DNAH11: variants seen among roughly 807,000 people sequenced by gnomAD.
The protein encoded by DNAH11 is axonemal beta dynein heavy chain 11.
In DNAH11, 442 loss-of-function variants were observed where a neutral mutation model predicts 526.0. The observed-to-expected ratio is 0.84, with a 90% confidence interval of 0.78 to 0.91. The LOEUF (loss-of-function observed/expected upper bound fraction) is 0.91, where lower values mean the gene tolerates loss of function less well. Ranked by LOEUF, DNAH11 falls within the 40% of genes least tolerant of loss-of-function variation. The pLI is 0.00. For missense variants in DNAH11, 6,989 were observed against 5,448.7 expected (o/e 1.28, Z -8.90); for synonymous variants, 2,461 against 1,935.9 (o/e 1.27, Z -7.12).
At chr7:21,871,253 A>G (rs1783484865) in intron 73 of DNAH11, among the ~76,000 whole-genome samples, 1 of 152,220 alleles carries the variant, frequency 6.6e-6, no homozygotes, top group Non-Finnish European at 1.5e-5. Context: ...AACATAACAG[A>G]TATTAAAAAC....
chr7:21,788,839 A>G (rs1324555420), intron 60 of DNAH11, among the ~76,000 whole-genome samples: 1 of 152,246 alleles, frequency 6.6e-6, no homozygotes, highest in Non-Finnish European at 1.5e-5. Context: ...TTTATGACAA[A>G]TTGATTTTAA....
At position 21,709,756 on chromosome 7, in the gene DNAH11, T is replaced by C. The variant is rs114498798; in HGVS notation, c.6684-797T>C. Among the ~76,000 whole-genome samples the C allele has an allele frequency of 4.1e-3, 623 of 152,252 alleles. 7 individuals are homozygous for C. Among genetic ancestry groups the C allele is most frequent in the African/African-American group, 0.014 (593 of 41,536 alleles). On this transcript the variant is annotated intron_variant, in intron 40 of 81. Coordinates refer to ENST00000409508, the MANE Select transcript of DNAH11 (RefSeq NM_001277115.2). ...ATCGTATCTGTTTAGGCTGAAAAAC[T>C]GTGGAAACTGTTCAAATCAGTGACT...
intron 2 of DNAH11, among the ~76,000 whole-genome samples, chr7:21,558,169 A>G (rs930554882): frequency 7.2e-5 from 11 of 152,246 alleles, no homozygotes; most frequent in African/African-American, 1.7e-4. Context: ...GTTTAAAATG[A>G]GTAGATACTT....
At position 21,639,041 on chromosome 7, in the gene DNAH11, C is replaced by T. The variant is rs746563330; in HGVS notation, c.4920C>T (p.Leu1640=). 3.2e-5 allele frequency: 51 copies of T among 1,613,360 alleles called. No individual in the cohort carries two copies. Among genetic ancestry groups the T allele is most frequent in the Admixed American group, 5.0e-5 (3 of 59,958 alleles). ...CTTCTGCTGATTTACTTGACATTCTCTCAAAAGGAGCTCAGCCTAAACAGG... is the reference window on the plus strand; with the variant it reads ...CTTCTGCTGATTTACTTGACATTCTTTCAAAAGGAGCTCAGCCTAAACAGG... ...FVSSADLLDI[L]SKGAQPKQVT... is the part of the protein sequence containing the mutation. The change falls in exon 28 of 82, where the codon CTC becomes CTT. Residue 1640 remains leucine, a synonymous_variant. Coordinates refer to ENST00000409508, the MANE Select transcript of DNAH11 (RefSeq NM_001277115.2).
intron 14 of DNAH11, among the ~76,000 whole-genome samples, chr7:21,597,895 T>A (rs553959814): frequency 6.6e-6 from 1 of 152,208 alleles, no homozygotes; most frequent in Non-Finnish European, 1.5e-5. Context: ...GTGTATACTT[T>A]CCTAGGGTGT....
intron 63 of DNAH11, among the ~76,000 whole-genome samples, chr7:21,811,602 G>GT (rs1253360929): frequency 6.6e-6 from 1 of 152,138 alleles, no homozygotes; most frequent in East Asian, 1.9e-4. Flanking sequence ...TAATAGGTAT[G>GT]TTTCAGTTTG....
chr7:21,569,193 T>C (rs970009592), intron 6 of DNAH11, among the ~76,000 whole-genome samples: 6 of 152,202 alleles, frequency 3.9e-5, no homozygotes, highest in Non-Finnish European at 8.8e-5. Flanking sequence ...CCCTCTGCTA[T>C]TTTGAACTCA....
intron 40 of DNAH11, among the ~76,000 whole-genome samples, chr7:21,709,422 G>A (rs1459033354): frequency 6.6e-6 from 1 of 152,126 alleles, no homozygotes; most frequent in Non-Finnish European, 1.5e-5. Context: ...AGGCCTATTA[G>A]AGGTGGGAGG....
At chr7:21,717,673 AGTGTTGCACCAAGCT>A in intron 42 of DNAH11, 87 bp from the exon 43 acceptor site, 4 of 1,365,318 alleles carry the variant, frequency 2.9e-6, no homozygotes, top group Non-Finnish European at 4.0e-6. Flanking sequence ...GTGTCCTTGA[AGTGTTGCACCAAGCT>A]GTGTCAAAGG....
At chr7:21,763,166 AC>A (rs1786997519) in intron 54 of DNAH11, among the ~76,000 whole-genome samples, 1 of 151,794 alleles carries the variant, frequency 6.6e-6, no homozygotes. Flanking sequence ...ACATAGTAAA[AC>A]CCTGTCTCTA....
At chr7:21,593,166 A>C (rs1784749432) in intron 14 of DNAH11, among the ~76,000 whole-genome samples, 1 of 152,114 alleles carries the variant, frequency 6.6e-6, no homozygotes, top group African/African-American at 2.4e-5. Context: ...TGAAAAAGAG[A>C]GAGTGATGCC....
chr7:21,598,583 G>T (rs1784952281), intron 14 of DNAH11, among the ~76,000 whole-genome samples: 1 of 115,680 alleles, frequency 8.6e-6, no homozygotes, highest in Admixed American at 8.9e-5. Flanking sequence ...TAGATGGTAT[G>T]CAAAAATAAA....
rs1218321792 is a variant in DNAH11, at chr7:21,744,913, G to T, written c.8360G>T (p.Cys2787Phe). The change falls in exon 51 of 82, where the codon TGC becomes TTC. Residue 2787 changes from cysteine (C) to phenylalanine (F), a missense_variant. Physicochemically the swap from Cys to Phe is radical, Grantham distance 205. Transcript: ENST00000409508. Reference sequence around the variant, plus strand: ...CTGCTTCAACAGCCCCTCATTTATTGCCACTTTGCTGATAGAGGGAAGGAC... The same window carrying T: ...CTGCTTCAACAGCCCCTCATTTATTTCCACTTTGCTGATAGAGGGAAGGAC... ...HMLLQQPLIY[C>F]HFADRGKDPH... 6.2e-7 allele frequency: 1 copy of T among 1,611,084 alleles called. No individual in the cohort carries two copies. Among genetic ancestry groups the T allele is most frequent in the Middle Eastern group, 1.6e-4 (1 of 6,062 alleles).
At chr7:21,575,651 G>A (rs1784062320) in intron 8 of DNAH11, among the ~76,000 whole-genome samples, 1 of 152,084 alleles carries the variant, frequency 6.6e-6, no homozygotes, top group South Asian at 2.1e-4. Flanking sequence ...TAAAAACTTA[G>A]TCCCTTTCTT....
At chr7:21,612,688 CTT>C (rs1269284110) in intron 20 of DNAH11, among the ~76,000 whole-genome samples, 1 of 151,098 alleles carries the variant, frequency 6.6e-6, no homozygotes, top group Non-Finnish European at 1.5e-5. Context: ...TCAAAAATTA[CTT>C]TGTGAAGCAT....
intron 28 of DNAH11, among the ~76,000 whole-genome samples, chr7:21,641,242 T>G (rs1168060034): frequency 2.6e-5 from 4 of 152,268 alleles, no homozygotes; most frequent in African/African-American, 7.2e-5. Flanking sequence ...TTCCTTGACC[T>G]TAGAGTGGAG....
intron 25 of DNAH11, among the ~76,000 whole-genome samples, chr7:21,630,126 A>G (rs1162547226): frequency 6.6e-6 from 1 of 152,076 alleles, no homozygotes; most frequent in Non-Finnish European, 1.5e-5. Context: ...AAACTATACC[A>G]AGTTATTTTA....
intron 40 of DNAH11, 145 bp from the exon 41 acceptor site, chr7:21,710,408 C>G (rs1784415822): frequency 3.3e-6 from 2 of 603,408 alleles, no homozygotes; most frequent in Non-Finnish European, 5.5e-6. Context: ...AATCTGGAAC[C>G]CATGTGTGGC....
chr7:21,775,464 T>A (rs1787631551), intron 56 of DNAH11, among the ~76,000 whole-genome samples: 1 of 151,900 alleles, frequency 6.6e-6, no homozygotes, highest in Non-Finnish European at 1.5e-5. Context: ...AAAAGAATTT[T>A]TTAATGAGCC....
Sources: gnomAD v4.1 joint callset for allele counts (sites outside exome capture counted in the v4.1 genomes callset) on GRCh38, gnomAD v4.1.1 for gene constraint, MANE v1.5 for transcripts, NCBI Gene and HGNC (gene_info 2026-07-23, HGNC 2026-07-21) for gene names.